Variants in ALDH1L1 observed in about 807,000 individuals in gnomAD.
ALDH1L1 encodes the protein aldehyde dehydrogenase 1 family member L1.
In ALDH1L1, 68 loss-of-function variants were observed where a neutral mutation model predicts 101.1. The observed-to-expected ratio is 0.67, with a 90% CI of 0.55 to 0.82. The LOEUF (loss-of-function observed/expected upper bound fraction) is 0.82, where lower values mean the gene tolerates loss of function less well. Ranked by LOEUF, ALDH1L1 falls within the 40% of genes least tolerant of loss-of-function variation. The pLI is 0.00. For synonymous variants in ALDH1L1, 486 were observed against 470.8 expected (o/e 1.03, Z -0.42); for missense variants, 1,087 against 1,172.7 (o/e 0.93, Z 1.07).
intron 1 of ALDH1L1, among the ~76,000 whole-genome samples, chr3:126,167,204 C>T (rs936560879): frequency 6.6e-6 from 1 of 151,948 alleles, no homozygotes; most frequent in African/African-American, 2.4e-5. Context: ...AGCATTTAAG[C>T]AAAAAGATTT....
At position 126,157,327 on chromosome 3, in the gene ALDH1L1, G is replaced by A. The variant is rs746911256; in HGVS notation, c.528+16C>T. 3 of 1,601,642 alleles carry A rather than the reference G, an allele frequency of 1.9e-6. No homozygotes were observed. In the South Asian group the frequency reaches 3.3e-5, roughly 18 times the overall value. On this transcript the variant is annotated intron_variant, in intron 4 of 22. Coordinates refer to ENST00000393434, the MANE Select transcript of ALDH1L1 (RefSeq NM_012190.4). Reference sequence around the variant, plus strand: ...GCGTCGGGGCGGGCAGGGCGCGGCCGGCTCCAGGTCCTCACCATCCCTTTG... The same window carrying A: ...GCGTCGGGGCGGGCAGGGCGCGGCCAGCTCCAGGTCCTCACCATCCCTTTG...
chr3:126,127,103 C>T lies in ALDH1L1; in HGVS notation c.1695-1382G>A, dbSNP rs548029747. ...ATTTCCAGCTCCCAGAACCAGGAGA[C>T]GAGTTTCCATTGATTAGGCCCTGGA... is the stretch of plus-strand genomic sequence containing the variant. On this transcript the variant is annotated intron_variant, in intron 14 of 22. Transcript: ENST00000393434. Among the ~76,000 whole-genome samples, 51 of 152,186 alleles carry T rather than the reference C, an allele frequency of 3.4e-4. 1 individual carries two copies. The highest frequency in any genetic ancestry group is 1.7e-3 in the Admixed American group (26 of 15,290).
intron 17 of ALDH1L1, among the ~76,000 whole-genome samples, chr3:126,116,029 C>T (rs1487234463): frequency 6.8e-6 from 1 of 146,556 alleles, no homozygotes; most frequent in African/African-American, 2.7e-5. Flanking sequence ...TATACCACCA[C>T]ACCTGGCTAT....
intron 6 of ALDH1L1, 141 bp from the exon 7 acceptor site, chr3:126,153,722 G>A (rs1010895737): frequency 7.6e-5 from 82 of 1,085,318 alleles, no homozygotes; most frequent in Non-Finnish European, 9.5e-5. Flanking sequence ...AAGCCCATGT[G>A]ACCCCTGAGG....
intron 1 of ALDH1L1, among the ~76,000 whole-genome samples, chr3:126,170,445 T>C (rs1413962206): frequency 1.9e-5 from 2 of 103,172 alleles, no homozygotes; most frequent in African/African-American, 7.8e-5. Context: ...AAAAAAAAAG[T>C]TACTTCTGTC....
At chr3:126,182,010 A>G (rs1426462803), upstream of ALDH1L1, among the ~76,000 whole-genome samples, 1 of 152,098 alleles carries the variant, frequency 6.6e-6, no homozygotes, top group Non-Finnish European at 1.5e-5. Flanking sequence ...AACCCCCATC[A>G]TTCTTCAGGA....
intron 19 of ALDH1L1, among the ~76,000 whole-genome samples, chr3:126,112,409 G>GCTT (rs1946108203): frequency 6.6e-6 from 1 of 152,178 alleles, no homozygotes; most frequent in Non-Finnish European, 1.5e-5. Context: ...CCTGAGACCA[G>GCTT]GCTCTTGCTC....
rs527783312 is a variant in ALDH1L1 at position 126,150,774 on chromosome 3, G to A, written c.859-243C>T. The A allele has an allele frequency of 2.7e-5, 10 of 365,558 alleles. No individual in the cohort carries two copies. The East Asian group carries it at 5.2e-4, about 19-fold the overall frequency. 22.6% of individuals were successfully genotyped at this position (365,558 alleles called of 1,614,324 possible). On this transcript the variant is annotated intron_variant, in intron 7 of 22. Transcript: ENST00000393434. Reference sequence around the variant, plus strand: ...GGGGTTTCACCACATTGGTCAGGCTGGTCTCGAACTCCTGACCTCATGATC... The same window carrying A: ...GGGGTTTCACCACATTGGTCAGGCTAGTCTCGAACTCCTGACCTCATGATC...
At chr3:126,189,299 G>C (rs1210294148) in intron 1 of ALDH1L1, among the ~76,000 whole-genome samples, 1 of 152,146 alleles carries the variant, frequency 6.6e-6, no homozygotes, top group Non-Finnish European at 1.5e-5. Context: ...AGGCATAAAC[G>C]AGGAAAACTC....
In ALDH1L1 at chr3:126,136,895, G is replaced by A. The variant is rs764964038; in HGVS notation, c.1225-12C>T. On this transcript the variant is annotated splice_polypyrimidine_tract_variant and intron_variant, in intron 10 of 22. Coordinates refer to ENST00000393434, the MANE Select transcript of ALDH1L1 (RefSeq NM_012190.4). ...ACTGCCATTTCCACCTGAAAGAAAGGCCCCAGTGACAAGCACAAACCCATG... is the reference window on the plus strand; with the variant it reads ...ACTGCCATTTCCACCTGAAAGAAAGACCCCAGTGACAAGCACAAACCCATG... 3.1e-6 allele frequency: 5 copies of A among 1,613,474 alleles called. No homozygotes were observed. The highest frequency in any genetic ancestry group is 1.6e-4 in the Middle Eastern group (1 of 6,062).
rs550550361 is a variant in ALDH1L1 at position 126,135,795 on chromosome 3, A to G, written c.1345-133T>C. 147 of 1,149,260 alleles carry G rather than the reference A, an allele frequency of 1.3e-4. 2 individuals are homozygous for G. The Admixed American group carries it at 4.3e-3, about 34-fold the overall frequency. The allele number at this position is 1,149,260 out of a possible 1,614,324, so 71.2% of individuals were successfully genotyped here. A position where few individuals can be genotyped will look rare whatever the true frequency, so the allele number is the denominator to read the frequency against. On this transcript the variant is annotated intron_variant, in intron 11 of 22. Coordinates refer to ENST00000393434, the MANE Select transcript of ALDH1L1 (RefSeq NM_012190.4). ...TCCACATGAGCAGGTGTGGAGGAGA[A>G]GCATGGCCAAAGGACAACCCTGGGA...
intron 9 of ALDH1L1, among the ~76,000 whole-genome samples, chr3:126,143,761 A>G (rs2080616446): frequency 6.6e-6 from 1 of 152,044 alleles, no homozygotes. Context: ...CGGGCAACAT[A>G]GCAAGACTTT....
upstream of ALDH1L1, among the ~76,000 whole-genome samples, chr3:126,184,435 C>A (rs2081500384): frequency 6.6e-6 from 1 of 152,250 alleles, no homozygotes; most frequent in Non-Finnish European, 1.5e-5. Flanking sequence ...AACTGCAACA[C>A]CTCTGAGGGC....
upstream of ALDH1L1, among the ~76,000 whole-genome samples, chr3:126,184,943 A>G (rs2081504973): frequency 6.6e-6 from 1 of 152,090 alleles, no homozygotes; most frequent in Admixed American, 6.5e-5. Context: ...CCTCGTTCAG[A>G]TGCTTCTACC....
intron 1 of ALDH1L1, chr3:126,179,578 T>G (rs1169713956): frequency 6.6e-6 from 1 of 152,238 alleles, no homozygotes; most frequent in Non-Finnish European, 1.5e-5. Context: ...CTCATGTAAT[T>G]CTCAAGCAAT....
chr3:126,145,942 TG>T (rs1377485576), intron 9 of ALDH1L1, among the ~76,000 whole-genome samples: 1 of 152,216 alleles, frequency 6.6e-6, no homozygotes, highest in Admixed American at 6.5e-5. Flanking sequence ...GCCTGGCCTC[TG>T]GACACCATTC....
chr3:126,147,942 C>A, intron 8 of ALDH1L1, among the ~76,000 whole-genome samples: 1 of 152,150 alleles, frequency 6.6e-6, no homozygotes, highest in East Asian at 1.9e-4. Flanking sequence ...GCGACACCTT[C>A]CCCTGACTCC....
intron 1 of ALDH1L1, among the ~76,000 whole-genome samples, chr3:126,187,375 G>A (rs1388643429): frequency 5.3e-5 from 8 of 152,084 alleles, no homozygotes; most frequent in Non-Finnish European, 1.2e-4. Flanking sequence ...GATGGACGGT[G>A]GGGTTTCTTT....
upstream of ALDH1L1, chr3:126,180,740 A>G (rs976478556): frequency 1.1e-5 from 16 of 1,419,792 alleles, no homozygotes; most frequent in Admixed American, 2.5e-4. Flanking sequence ...TATAAATGCC[A>G]TGTAAAAGCC....
Sources: gnomAD v4.1 joint callset for allele counts (sites outside exome capture counted in the v4.1 genomes callset) on GRCh38, gnomAD v4.1.1 for gene constraint, MANE v1.5 for transcripts, NCBI Gene and HGNC (gene_info 2026-07-23, HGNC 2026-07-21) for gene names.